Variants in RETREG1 observed in about 807,000 individuals in gnomAD.
RETREG1 encodes the protein family with sequence similarity 134 member B.
A neutral mutation model predicts 54.8 loss-of-function variants in RETREG1; 44 were observed. That is an observed-to-expected ratio of 0.80 (90% CI 0.63 to 1.03). The LOEUF (loss-of-function observed/expected upper bound fraction) is 1.03, where lower values mean the gene tolerates loss of function less well. Among genes scored for constraint, RETREG1 ranks in the 50% least tolerant of loss-of-function variants. RETREG1 has a pLI of 0.00. For missense variants in RETREG1, 554 were observed against 605.1 expected (o/e 0.92, Z 0.89); for synonymous variants, 217 against 238.5 (o/e 0.91, Z 0.83).
chr5:16,592,791 G>C (rs112752276), intron 1 of RETREG1, among the ~76,000 whole-genome samples: 8 of 152,234 alleles, frequency 5.3e-5, no homozygotes, highest in South Asian at 2.1e-4. Context: ...ACTAACGCAG[G>C]AACAGAAAAC....
chr5:16,614,998 T>C (rs1743450967), intron 1 of RETREG1, among the ~76,000 whole-genome samples: 1 of 152,188 alleles, frequency 6.6e-6, no homozygotes, highest in Non-Finnish European at 1.5e-5. Flanking sequence ...GGCCAGGGAC[T>C]GGGATGAGAA....
rs368679307 is a variant in RETREG1 at position 16,568,974 on chromosome 5, T to C, written c.427+3022A>G. ...TGCTGACTTGGTCGTCCTTTCATTG[T>C]CATTGTCGTTGCTATAAGCCGGGGC... is the stretch of plus-strand genomic sequence containing the variant. On this transcript the variant is annotated intron_variant, in intron 2 of 8. Coordinates refer to ENST00000306320, the MANE Select transcript of RETREG1 (RefSeq NM_001034850.3). 1.1e-3 allele frequency among the ~76,000 whole-genome samples: 172 copies of C among 152,306 alleles called. 1 individual carries two copies. Among genetic ancestry groups the C allele is most frequent in the African/African-American group, 3.9e-3 (161 of 41,570 alleles).
chr5:16,508,601 A>C (rs1475009048), intron 3 of RETREG1: 1 of 1,614,198 alleles, frequency 6.2e-7, no homozygotes, highest in Non-Finnish European at 8.5e-7. Flanking sequence ...CAAAGTCTTC[A>C]CCTTCAGGCA....
At chr5:16,596,679 C>A (rs1742900653) in intron 1 of RETREG1, among the ~76,000 whole-genome samples, 1 of 152,128 alleles carries the variant, frequency 6.6e-6, no homozygotes, top group Non-Finnish European at 1.5e-5. Context: ...TGACACGCAC[C>A]CTCCAGGGCA....
At chr5:16,615,412 A>AG (rs1554026581) in intron 1 of RETREG1, among the ~76,000 whole-genome samples, 27 of 150,208 alleles carry the variant, frequency 1.8e-4, no homozygotes, top group East Asian at 5.8e-4. Context: ...AAAAAAAAAA[A>AG]AAAGAAAGAA....
At chr5:16,485,875 A>G (rs893855741) in intron 3 of RETREG1, among the ~76,000 whole-genome samples, 1 of 152,202 alleles carries the variant, frequency 6.6e-6, no homozygotes, top group Admixed American at 6.5e-5. Context: ...TGTGGAAAAT[A>G]CTGTTATCAA....
chr5:16,576,353 C>T (rs200653348), intron 1 of RETREG1, among the ~76,000 whole-genome samples: 3 of 146,058 alleles, frequency 2.1e-5, no homozygotes, highest in East Asian at 4.0e-4. Flanking sequence ...AGGGCAGTGG[C>T]GCAATCTTGG....
intron 3 of RETREG1, among the ~76,000 whole-genome samples, chr5:16,528,312 G>A (rs1208972750): frequency 6.6e-6 from 1 of 152,006 alleles, no homozygotes; most frequent in Non-Finnish European, 1.5e-5. Context: ...AATTAACAGT[G>A]ATTTTACAGA....
intron 1 of RETREG1, among the ~76,000 whole-genome samples, chr5:16,612,209 C>A (rs72748406): frequency 6.6e-6 from 1 of 152,032 alleles, no homozygotes; most frequent in Non-Finnish European, 1.5e-5. Context: ...TGCAAAGAAG[C>A]CTTTAAGGGT....
intron 3 of RETREG1, among the ~76,000 whole-genome samples, chr5:16,533,340 G>A (rs1740967756): frequency 6.6e-6 from 1 of 152,156 alleles, no homozygotes; most frequent in Non-Finnish European, 1.5e-5. Flanking sequence ...ACCACGCCCG[G>A]CTGATAATAT....
intron 3 of RETREG1, among the ~76,000 whole-genome samples, chr5:16,529,132 A>G (rs1182240705): frequency 6.6e-6 from 1 of 152,240 alleles, no homozygotes; most frequent in Non-Finnish European, 1.5e-5. Flanking sequence ...AATAAAACCT[A>G]CAAATAAAAA....
intron 1 of RETREG1, among the ~76,000 whole-genome samples, chr5:16,611,429 A>G (rs1743340706): frequency 6.6e-6 from 1 of 152,204 alleles, no homozygotes; most frequent in Non-Finnish European, 1.5e-5. Flanking sequence ...GACGCTTTCT[A>G]GGCTGCAGAT....
At chr5:16,492,764 C>T (rs1386856654) in intron 3 of RETREG1, among the ~76,000 whole-genome samples, 1 of 152,084 alleles carries the variant, frequency 6.6e-6, no homozygotes, top group Non-Finnish European at 1.5e-5. Context: ...TGTGTAGGTG[C>T]TTGCATATGA....
At chr5:16,570,793 T>G (rs927352032) in intron 2 of RETREG1, among the ~76,000 whole-genome samples, 3 of 152,072 alleles carry the variant, frequency 2.0e-5, no homozygotes, top group Non-Finnish European at 4.4e-5. Context: ...TCACAACAAG[T>G]GCCTGTTTGG....
At chr5:16,587,630 C>A (rs902570933) in intron 1 of RETREG1, among the ~76,000 whole-genome samples, 1 of 152,194 alleles carries the variant, frequency 6.6e-6, no homozygotes, top group African/African-American at 2.4e-5. Context: ...TTCCAATATA[C>A]CTGACCCTGT....
chr5:16,580,677 A>AG (rs1742456030), intron 1 of RETREG1, among the ~76,000 whole-genome samples: 1 of 152,144 alleles, frequency 6.6e-6, no homozygotes, highest in Non-Finnish European at 1.5e-5. Context: ...AATTATCATG[A>AG]GGGGGAGTGT....
At chr5:16,601,757 G>T (rs1225259757) in intron 1 of RETREG1, among the ~76,000 whole-genome samples, 1 of 152,110 alleles carries the variant, frequency 6.6e-6, no homozygotes, top group Non-Finnish European at 1.5e-5. Context: ...TAAGTTTCCA[G>T]CTGAGACTGT....
At chr5:16,574,040 C>G (rs966702914) in intron 1 of RETREG1, among the ~76,000 whole-genome samples, 1 of 152,178 alleles carries the variant, frequency 6.6e-6, no homozygotes. Flanking sequence ...AGCCACAACG[C>G]CCGGCTGGGA....
At chr5:16,602,542 C>T (rs538706034) in intron 1 of RETREG1, among the ~76,000 whole-genome samples, 2 of 152,280 alleles carry the variant, frequency 1.3e-5, no homozygotes, top group African/African-American at 4.8e-5. Flanking sequence ...GAAACGTAAA[C>T]ATGACACTCT....
Sources: gnomAD v4.1 joint callset for allele counts (sites outside exome capture counted in the v4.1 genomes callset) on GRCh38, gnomAD v4.1.1 for gene constraint, MANE v1.5 for transcripts, NCBI Gene and HGNC (gene_info 2026-07-23, HGNC 2026-07-21) for gene names.